CRYZ: variants seen among roughly 807,000 people sequenced by gnomAD.
CRYZ encodes zeta-crystallin.
A neutral mutation model predicts 34.1 loss-of-function variants in CRYZ; 35 were observed. That is an observed-to-expected ratio of 1.03 (90% CI 0.78 to 1.36). The LOEUF is 1.36. Ranked by LOEUF, CRYZ falls within the 40% of genes most tolerant of loss-of-function variation. The pLI is 0.00. For synonymous variants in CRYZ, 137 were observed against 136.5 expected (o/e 1.00, Z -0.03); for missense variants, 403 against 391.8 (o/e 1.03, Z -0.24).
Position 74,710,139 on chromosome 1 carries a change from C to T in CRYZ, c.589G>A (p.Val197Met), listed in dbSNP as rs766868441. 16 of 1,613,644 alleles carry T rather than the reference C, an allele frequency of 9.9e-6. No individual in the cohort carries two copies. The highest frequency in any genetic ancestry group is 1.6e-4 in the Middle Eastern group (1 of 6,078). The change falls in exon 6 of 9, where the codon GTG becomes ATG. Residue 197 changes from valine to methionine, a missense_variant. By Grantham distance (21) the Val-to-Met change is conservative. Coordinates refer to ENST00000340866, the MANE Select transcript of CRYZ (RefSeq NM_001889.4). ...TAATTCACTTCTCTGTGATTGAACA[C>T]TTCATGGGCTCCATTTTGCAAAACA... ...KIVLQNGAHE[V>M]FNHREVNYID...
chr1:74,724,162 T>C (rs768645752), intron 2 of CRYZ, among the ~76,000 whole-genome samples: 9 of 152,144 alleles, frequency 5.9e-5, no homozygotes, highest in Admixed American at 1.3e-4. Flanking sequence ...GAGAAATAAA[T>C]TTGTAAAGAT....
chr1:74,715,548 G>C (rs1363207634), intron 4 of CRYZ, among the ~76,000 whole-genome samples: 1 of 152,208 alleles, frequency 6.6e-6, no homozygotes, highest in Admixed American at 6.6e-5. Context: ...CAACAGCTGA[G>C]AAGTGGCAAC....
intron 4 of CRYZ, among the ~76,000 whole-genome samples, chr1:74,717,759 C>T (rs1210311508): frequency 6.6e-6 from 1 of 152,194 alleles, no homozygotes; most frequent in Non-Finnish European, 1.5e-5. Flanking sequence ...CATGCATTCA[C>T]TGGATGCTTA....
chr1:74,723,331 TA>T, intron 2 of CRYZ, 61 bp from the exon 3 acceptor site: 2 of 1,527,228 alleles, frequency 1.3e-6, no homozygotes, highest in South Asian at 2.4e-5. Flanking sequence ...AACTTTATGC[TA>T]GGACTGTGCT....
intron 4 of CRYZ, among the ~76,000 whole-genome samples, chr1:74,715,546 G>T (rs1214360760): frequency 2.0e-5 from 3 of 152,192 alleles, no homozygotes; most frequent in Non-Finnish European, 4.4e-5. Context: ...ACCAACAGCT[G>T]AGAAGTGGCA....
chr1:74,711,674 C>A (rs1239575642), intron 5 of CRYZ, among the ~76,000 whole-genome samples: 1 of 151,290 alleles, frequency 6.6e-6, no homozygotes, highest in Non-Finnish European at 1.5e-5. Flanking sequence ...TCGCTTGGGC[C>A]CAGGAATTTG....
At chr1:74,719,524 C>G in intron 3 of CRYZ, 152 bp from the exon 4 acceptor site, 1 of 606,542 alleles carries the variant, frequency 1.6e-6, no homozygotes, top group South Asian at 3.4e-5. Flanking sequence ...GAGACAGAGT[C>G]TTGCACTGTC....
intron 3 of CRYZ, 128 bp from the exon 4 acceptor site, chr1:74,719,500 ATT>A (rs60522431): frequency 7.8e-4 from 506 of 652,454 alleles, no homozygotes; most frequent in South Asian, 1.8e-3. Context: ...CATATAAATA[ATT>A]TTTTTTTTTT....
At chr1:74,732,852 G>A in intron 1 of CRYZ, 104 bp downstream of exon 1, 1 of 200,856 alleles carries the variant, frequency 5.0e-6, no homozygotes, top group Middle Eastern at 2.1e-3. Flanking sequence ...GGAGGACAGA[G>A]GGCAGGAAAG....
At chr1:74,707,060 AC>A (rs1646939290) in intron 7 of CRYZ, 42 bp downstream of exon 7, 1 of 1,539,346 alleles carries the variant, frequency 6.5e-7, no homozygotes, top group Non-Finnish European at 8.8e-7. Flanking sequence ...TTGTGGTAAA[AC>A]ATTAAAGTGG....
At chr1:74,732,313 A>G (rs1304114839) in intron 1 of CRYZ, among the ~76,000 whole-genome samples, 2 of 138,756 alleles carry the variant, frequency 1.4e-5, no homozygotes, top group African/African-American at 5.5e-5. Flanking sequence ...TGTGGGAAGG[A>G]GCCCTACCTA....
At chr1:74,729,434 G>A (rs1647574270) in intron 1 of CRYZ, among the ~76,000 whole-genome samples, 1 of 146,612 alleles carries the variant, frequency 6.8e-6, no homozygotes, top group South Asian at 2.1e-4. Flanking sequence ...CTGAGCCTAG[G>A]AGATCAAGGC....
chr1:74,707,363 A>G, intron 6 of CRYZ, 159 bp from the exon 7 acceptor site: 1 of 540,608 alleles, frequency 1.8e-6, no homozygotes, highest in East Asian at 3.3e-5. Context: ...TAATTATATA[A>G]TCACGATGTA....
chr1:74,721,416 A>G (rs1389418985), intron 3 of CRYZ, among the ~76,000 whole-genome samples: 1 of 152,222 alleles, frequency 6.6e-6, no homozygotes, highest in Non-Finnish European at 1.5e-5. Flanking sequence ...AGCATGAAAC[A>G]GTCTTATTTC....
At chr1:74,709,441 T>G (rs1450025727) in intron 6 of CRYZ, among the ~76,000 whole-genome samples, 1 of 152,200 alleles carries the variant, frequency 6.6e-6, no homozygotes, top group Admixed American at 6.5e-5. Context: ...ACTCTTATTT[T>G]TTCCTTCATT....
intron 6 of CRYZ, chr1:74,708,948 G>A (rs1410575624): frequency 2.0e-5 from 3 of 152,118 alleles, no homozygotes; most frequent in African/African-American, 7.2e-5. Flanking sequence ...TGTGGTCAGG[G>A]TCATATGCTC....
chr1:74,732,590 T>G (rs1194267430), intron 1 of CRYZ, among the ~76,000 whole-genome samples: 1 of 16,490 alleles, frequency 6.1e-5, no homozygotes, highest in Non-Finnish European at 1.2e-4. Flanking sequence ...ATCAAGCGGG[T>G]GACTGGCGGG....
rs540234756 is a variant in CRYZ at position 74,724,771 on chromosome 1, A to C, written c.51T>G (p.Gly17=). 93 of 1,613,788 alleles carry C rather than the reference A, an allele frequency of 5.8e-5. No homozygotes were observed. The East Asian group carries it at 1.4e-3, about 25-fold the overall frequency. The change falls in exon 2 of 9, where the codon GGT becomes GGG. Residue 17 remains glycine, a synonymous_variant. Transcript: ENST00000340866. The stretch of plus-strand genomic sequence containing the variant: ...ATCGCAATTTCAGGACTTCTGGCCC[A>C]CCAAATTCAAAAACTCTAACAGCTC... ...LMRAVRVFEF[G]GPEVLKLRSD... is the part of the protein sequence containing the mutation.
At chr1:74,714,968 C>T (rs1448018036) in intron 4 of CRYZ, among the ~76,000 whole-genome samples, 1 of 152,174 alleles carries the variant, frequency 6.6e-6, no homozygotes, top group Non-Finnish European at 1.5e-5. Flanking sequence ...TGGAATCTCT[C>T]ATTCCCATAT....
Sources: allele counts gnomAD v4.1 joint callset (sites outside exome capture counted in the v4.1 genomes callset), GRCh38; gene constraint gnomAD v4.1.1; transcripts MANE v1.5; gene names NCBI Gene and HGNC (gene_info 2026-07-23, HGNC 2026-07-21).